The following NKAIN2 variants were observed in gnomAD, a reference collection of about 807,000 sequenced individuals.
The protein encoded by NKAIN2 is sodium/potassium transporting ATPase interacting 2, also known as sodium/potassium-transporting ATPase subunit beta-1-interacting protein 2.
In NKAIN2, 14 loss-of-function variants were observed where a neutral mutation model predicts 32.6. The ratio of observed to expected loss-of-function variants is 0.43; its 90% CI spans 0.28 to 0.67. The LOEUF (loss-of-function observed/expected upper bound fraction) is 0.67. Among genes scored for constraint, NKAIN2 ranks in the 30% least tolerant of loss-of-function variants. The probability of loss-of-function intolerance (pLI) is 0.17; values close to 1 mark genes in which losing one functional copy is unlikely to be tolerated. For synonymous variants in NKAIN2, 80 were observed against 87.2 expected, an observed-to-expected ratio of 0.92 and a Z score of 0.46; for missense variants, 198 against 258.3, an observed-to-expected ratio of 0.77 and a Z score of 1.60.
At chr6:123,956,473 G>A (rs1316298683) in intron 1 of NKAIN2, among the ~76,000 whole-genome samples, 1 of 152,198 alleles carries the variant, frequency 6.6e-6, no homozygotes, top group Non-Finnish European at 1.5e-5. Flanking sequence ...GAATGGCTGT[G>A]TAAGGAGTAG....
At chr6:124,272,362 C>G (rs1326569040) in intron 1 of NKAIN2, among the ~76,000 whole-genome samples, 2 of 152,262 alleles carry the variant, frequency 1.3e-5, no homozygotes, top group Admixed American at 6.5e-5. Flanking sequence ...TAAAAGGGAC[C>G]AACGTACAGC....
intron 4 of NKAIN2, among the ~76,000 whole-genome samples, chr6:124,721,269 T>G (rs950431184): frequency 9.9e-5 from 15 of 151,686 alleles, no homozygotes; most frequent in South Asian, 2.1e-4. Context: ...CCGGGCGCAG[T>G]GGCGGGCGCC....
At chr6:124,346,263 C>G (rs1331513149) in intron 2 of NKAIN2, among the ~76,000 whole-genome samples, 1 of 151,982 alleles carries the variant, frequency 6.6e-6, no homozygotes. Context: ...ACTATGTGGT[C>G]AATTTTGGAA....
chr6:124,122,024 T>C (rs1264883996), intron 1 of NKAIN2: 4 of 266,644 alleles, frequency 1.5e-5, no homozygotes, highest in Non-Finnish European at 2.6e-5. Context: ...ACATCAGTGT[T>C]CATGTTTCAC....
intron 3 of NKAIN2, among the ~76,000 whole-genome samples, chr6:124,625,035 A>G (rs1583540381): frequency 6.6e-6 from 1 of 152,150 alleles, no homozygotes; most frequent in African/African-American, 2.4e-5. Context: ...TTTAAGCTGC[A>G]TCATTCATAT....
chr6:123,830,869 G>T (rs1037810156), intron 1 of NKAIN2, among the ~76,000 whole-genome samples: 3 of 152,156 alleles, frequency 2.0e-5, no homozygotes, highest in Non-Finnish European at 4.4e-5. Context: ...AGTGACTGAC[G>T]AATGAATGAT....
chr6:124,089,915 C>T (rs1200902202), intron 1 of NKAIN2, among the ~76,000 whole-genome samples: 1 of 151,746 alleles, frequency 6.6e-6, no homozygotes. Flanking sequence ...ACCAATCATT[C>T]AAACTCAAGG....
At chr6:124,031,092 C>T (rs1006001831) in intron 1 of NKAIN2, among the ~76,000 whole-genome samples, 1 of 151,986 alleles carries the variant, frequency 6.6e-6, no homozygotes, top group Non-Finnish European at 1.5e-5. Flanking sequence ...AAAAAAATAA[C>T]AAAGACTGAT....
At chr6:123,975,762 C>T (rs182782065) in intron 1 of NKAIN2, among the ~76,000 whole-genome samples, 12 of 152,178 alleles carry the variant, frequency 7.9e-5, no homozygotes, top group Middle Eastern at 6.8e-3. Flanking sequence ...GAGGGCTCCA[C>T]ACTCATGACA....
At chr6:124,606,838 C>T (rs1782519339) in intron 3 of NKAIN2, among the ~76,000 whole-genome samples, 1 of 152,004 alleles carries the variant, frequency 6.6e-6, no homozygotes, top group African/African-American at 2.4e-5. Flanking sequence ...TTGCTCCTTC[C>T]AAAGAAGGGG....
At chr6:124,722,456 G>T (rs1776071008) in intron 4 of NKAIN2, among the ~76,000 whole-genome samples, 1 of 152,158 alleles carries the variant, frequency 6.6e-6, no homozygotes, top group Non-Finnish European at 1.5e-5. Flanking sequence ...GGACAGACCT[G>T]GGGTAAGGGA....
chr6:124,093,121 A>G (rs553948607), intron 1 of NKAIN2, among the ~76,000 whole-genome samples: 1 of 152,224 alleles, frequency 6.6e-6, no homozygotes, highest in African/African-American at 2.4e-5. Flanking sequence ...CTTACTTAAA[A>G]CTATGGAACC....
intron 1 of NKAIN2, among the ~76,000 whole-genome samples, chr6:124,119,364 C>T (rs998294408): frequency 6.6e-6 from 1 of 152,192 alleles, no homozygotes; most frequent in Admixed American, 6.5e-5. Context: ...TGATCACCCA[C>T]CTACCAGATC....
intron 4 of NKAIN2, among the ~76,000 whole-genome samples, chr6:124,659,638 G>A (rs534959679): frequency 3.0e-4 from 45 of 152,234 alleles, no homozygotes; most frequent in Non-Finnish European, 4.7e-4. Flanking sequence ...ATCACTGTCA[G>A]TAAGGAAACA....
At chr6:124,777,986 CAT>C (rs1453270119) in intron 4 of NKAIN2, among the ~76,000 whole-genome samples, 13 of 151,988 alleles carry the variant, frequency 8.6e-5, no homozygotes, top group African/African-American at 2.9e-4. Context: ...AACACACACA[CAT>C]GTACACAGAG....
Position 124,723,909 on chromosome 6 carries a change from C to T in NKAIN2, c.474+65523C>T, listed in dbSNP as rs543697113. 8.5e-4 allele frequency among the ~76,000 whole-genome samples: 130 copies of T among 152,090 alleles called. 1 individual carries two copies. Among genetic ancestry groups the T allele is most frequent in the Non-Finnish European group, 1.6e-3 (109 of 68,022 alleles). On this transcript the variant is annotated intron_variant, in intron 4 of 6. Transcript: ENST00000368417. ...GATTTTGTGTTTCTATAGTTCTGTGCTGGTATTTTTATGCTTCTGAAACCC... is the reference window on the plus strand; with the variant it reads ...GATTTTGTGTTTCTATAGTTCTGTGTTGGTATTTTTATGCTTCTGAAACCC...
At chr6:124,480,334 C>T (rs1291678885) in intron 3 of NKAIN2, among the ~76,000 whole-genome samples, 2 of 152,136 alleles carry the variant, frequency 1.3e-5, no homozygotes, top group African/African-American at 4.8e-5. Flanking sequence ...AAGAAATCAA[C>T]ATCAGCAACT....
chr6:124,041,467 A>G (rs1262938335), intron 1 of NKAIN2, among the ~76,000 whole-genome samples: 1 of 147,766 alleles, frequency 6.8e-6, no homozygotes, highest in African/African-American at 2.7e-5. Flanking sequence ...TTTATTTGTT[A>G]TTATTCAGTT....
intron 2 of NKAIN2, among the ~76,000 whole-genome samples, chr6:124,318,668 A>G (rs2115018722): frequency 6.6e-6 from 1 of 152,196 alleles, no homozygotes; most frequent in South Asian, 2.1e-4. Context: ...ACCCCATGAA[A>G]GAATTATGCA....
Sources: allele counts gnomAD v4.1 joint callset (sites outside exome capture counted in the v4.1 genomes callset), GRCh38; gene constraint gnomAD v4.1.1; transcripts MANE v1.5; gene names NCBI Gene and HGNC (gene_info 2026-07-23, HGNC 2026-07-21).